The following CEP128 variants were observed in gnomAD, a reference collection of about 807,000 sequenced individuals.
The protein encoded by CEP128 is centrosomal protein 128kDa.
CEP128 carries 132 observed loss-of-function variants against 156.7 expected under a neutral mutation model. That is an observed-to-expected ratio of 0.84 (90% CI 0.73 to 0.97). CEP128 has a LOEUF of 0.97. Among genes scored for constraint, CEP128 ranks in the 50% least tolerant of loss-of-function variants. The probability of loss-of-function intolerance (pLI) is 0.00; values close to 1 mark genes in which losing one functional copy is unlikely to be tolerated. For synonymous variants in CEP128, 469 were observed against 448.9 expected, an observed-to-expected ratio of 1.04 and a Z score of -0.57; for missense variants, 1,252 against 1,281.9, an observed-to-expected ratio of 0.98 and a Z score of 0.36.
At chr14:80,504,267 T>C (rs975179447) in intron 24 of CEP128, among the ~76,000 whole-genome samples, 1 of 152,158 alleles carries the variant, frequency 6.6e-6, no homozygotes, top group African/African-American at 2.4e-5. Flanking sequence ...ACTCCTCCTA[T>C]CCTCAAGATA....
intron 23 of CEP128, among the ~76,000 whole-genome samples, chr14:80,506,121 C>T (rs1018871413): frequency 2.6e-5 from 4 of 151,856 alleles, no homozygotes; most frequent in African/African-American, 4.8e-5. Context: ...ATCAGCCAGG[C>T]GAAAATGTAT....
intron 19 of CEP128, among the ~76,000 whole-genome samples, chr14:80,733,339 C>CGTGTGTGTGTGTGTGTGTGTGTGTGT (rs55964142): frequency 2.1e-5 from 3 of 140,136 alleles, no homozygotes; most frequent in Admixed American, 7.2e-5. Flanking sequence ...CCACATGGGT[C>CGTGTGTGTGTGTGTGTGTGTGTGTGT]GTGTGTGTGT....
intron 20 of CEP128, among the ~76,000 whole-genome samples, chr14:80,566,905 A>G (rs1294923933): frequency 3.4e-5 from 1 of 29,358 alleles, no homozygotes. Context: ...TTGTCAAGGA[A>G]AAAAAAAAAA....
intron 19 of CEP128, among the ~76,000 whole-genome samples, chr14:80,603,934 G>T (rs1446357922): frequency 1.3e-5 from 2 of 152,136 alleles, no homozygotes; most frequent in Admixed American, 6.5e-5. Flanking sequence ...GCTAATTTGA[G>T]TATTTAGGAA....
rs76641420 is a variant in CEP128 at position 80,871,183 on chromosome 14, G to A, written c.646-8310C>T. Reference sequence around the variant, plus strand: ...TAGACCATGGTAAAGAATTTGGAACGAAAGAAACCCAGGTAGGATTTTTAA... The same window carrying A: ...TAGACCATGGTAAAGAATTTGGAACAAAAGAAACCCAGGTAGGATTTTTAA... On this transcript the variant is annotated intron_variant, in intron 8 of 24. Coordinates refer to ENST00000555265, the MANE Select transcript of CEP128 (RefSeq NM_152446.5). Among the ~76,000 whole-genome samples, 1,325 of 152,090 alleles carry A rather than the reference G, an allele frequency of 8.7e-3. 19 individuals carry two copies. Among genetic ancestry groups the A allele is most frequent in the African/African-American group, 0.021 (867 of 41,514 alleles).
At chr14:80,728,207 T>C (rs1009619695) in intron 19 of CEP128, among the ~76,000 whole-genome samples, 1 of 152,180 alleles carries the variant, frequency 6.6e-6, no homozygotes, top group African/African-American at 2.4e-5. Flanking sequence ...TGCAGCAACA[T>C]GTATGCAGCT....
At chr14:80,725,809 A>C (rs533831118) in intron 19 of CEP128, among the ~76,000 whole-genome samples, 22 of 152,340 alleles carry the variant, frequency 1.4e-4, no homozygotes, top group African/African-American at 5.3e-4. Flanking sequence ...ATTTATATGG[A>C]ATAATCAGGC....
At chr14:80,588,108 C>T (rs1383467555) in intron 19 of CEP128, among the ~76,000 whole-genome samples, 2 of 152,054 alleles carry the variant, frequency 1.3e-5, no homozygotes, top group Non-Finnish European at 2.9e-5. Flanking sequence ...GCTTCTTAGG[C>T]CTTGTAGATT....
chr14:80,664,727 A>C (rs909682362), intron 19 of CEP128, among the ~76,000 whole-genome samples: 1 of 152,230 alleles, frequency 6.6e-6, no homozygotes, highest in Non-Finnish European at 1.5e-5. Context: ...TCACTTGACT[A>C]CAGTGTGACT....
intron 21 of CEP128, among the ~76,000 whole-genome samples, chr14:80,533,064 T>G (rs1889303144): frequency 6.6e-6 from 1 of 152,198 alleles, no homozygotes; most frequent in African/African-American, 2.4e-5. Context: ...ATCTAATTTT[T>G]TCATGTGTAG....
chr14:80,549,997 T>G (rs1890146644), intron 21 of CEP128, among the ~76,000 whole-genome samples: 1 of 152,246 alleles, frequency 6.6e-6, no homozygotes, highest in Non-Finnish European at 1.5e-5. Context: ...ACACCAAATC[T>G]TGAAGTTCAA....
intron 8 of CEP128, among the ~76,000 whole-genome samples, chr14:80,871,641 T>C (rs755726782): frequency 1.3e-5 from 2 of 152,126 alleles, no homozygotes; most frequent in Admixed American, 6.5e-5. Flanking sequence ...TTAAAGAAAG[T>C]ATATTTTAGA....
At chr14:80,922,926 A>G (rs1427898160) in intron 2 of CEP128, among the ~76,000 whole-genome samples, 1 of 152,128 alleles carries the variant, frequency 6.6e-6, no homozygotes, top group Non-Finnish European at 1.5e-5. Flanking sequence ...AGCAGTGAAC[A>G]CTCTTCTGCA....
Position 80,818,542 on chromosome 14 carries a change from AACTGAAC to A in CEP128, c.1209+12594_1209+12600del, listed in dbSNP as rs551053781. On this transcript the variant is annotated intron_variant, in intron 13 of 24. Transcript: ENST00000555265. ...CAGATGGCTAGACCAGTGGATTAAT[AACTGAAC>A]CAAAGACAGCCATCTAGAGGTAGCT... Among the ~76,000 whole-genome samples the A allele has an allele frequency of 4.7e-3, 723 of 152,350 alleles. 30 individuals are homozygous for A. The highest frequency in any genetic ancestry group is 0.045 in the Admixed American group (696 of 15,306).
At chr14:80,487,589 C>T (rs1887197191), downstream of CEP128, among the ~76,000 whole-genome samples, 1 of 152,162 alleles carries the variant, frequency 6.6e-6, no homozygotes, top group African/African-American at 2.4e-5. Flanking sequence ...TTCAGCACCA[C>T]ACCAAACCTA....
downstream of CEP128, among the ~76,000 whole-genome samples, chr14:80,489,948 C>T (rs548896151): frequency 1.3e-4 from 20 of 149,218 alleles, no homozygotes; most frequent in African/African-American, 3.5e-4. Flanking sequence ...CTGAGTATGA[C>T]GGAGTGAATT....
chr14:80,725,236 G>A (rs951574675), intron 19 of CEP128, among the ~76,000 whole-genome samples: 1 of 146,900 alleles, frequency 6.8e-6, no homozygotes, highest in Non-Finnish European at 1.5e-5. Context: ...AGGCTGTAGT[G>A]CAGTGGCACA....
intron 19 of CEP128, among the ~76,000 whole-genome samples, chr14:80,632,095 T>C (rs1893984932): frequency 6.6e-6 from 1 of 152,098 alleles, no homozygotes; most frequent in African/African-American, 2.4e-5. Context: ...TATAAAATTA[T>C]ATACCTGAAA....
chr14:80,907,657 CAAAA>C (rs67715110), intron 4 of CEP128, among the ~76,000 whole-genome samples: 1,082 of 64,630 alleles, frequency 0.017, 13 homozygotes, highest in South Asian at 0.029. Context: ...GACTCTGTTT[CAAAA>C]AAAAAAAAAA....
Sources: gnomAD v4.1 joint callset for allele counts (sites outside exome capture counted in the v4.1 genomes callset) on GRCh38, gnomAD v4.1.1 for gene constraint, MANE v1.5 for transcripts, NCBI Gene and HGNC (gene_info 2026-07-23, HGNC 2026-07-21) for gene names.